Variants in INSC observed in about 807,000 individuals in gnomAD.
INSC encodes the protein protein inscuteable homolog.
In INSC, 67 loss-of-function variants were observed where a neutral mutation model predicts 58.6. The ratio of observed to expected loss-of-function variants is 1.14; its 90% CI spans 0.94 to 1.40. The LOEUF is 1.40. INSC is among the 40% of genes most tolerant of loss of function. The pLI, the probability that INSC is intolerant of heterozygous loss-of-function variation, is 0.00. For missense variants in INSC, 714 were observed against 692.0 expected (o/e 1.03, Z -0.36); for synonymous variants, 262 against 276.1 (o/e 0.95, Z 0.51).
intron 5 of INSC, among the ~76,000 whole-genome samples, chr11:15,181,327 T>G (rs1849770000): frequency 6.6e-6 from 1 of 152,238 alleles, no homozygotes; most frequent in Non-Finnish European, 1.5e-5. Flanking sequence ...TCTTCTGAGA[T>G]GCTGGTGTTT....
chr11:15,160,110 A>G (rs1238172337), intron 2 of INSC, among the ~76,000 whole-genome samples: 1 of 152,212 alleles, frequency 6.6e-6, no homozygotes, highest in Non-Finnish European at 1.5e-5. Context: ...CTAGGGGGTA[A>G]GGCAGACATT....
chr11:15,112,126 T>C (rs1226685129), upstream of INSC, among the ~76,000 whole-genome samples: 2 of 152,242 alleles, frequency 1.3e-5, no homozygotes, highest in Non-Finnish European at 2.9e-5. Flanking sequence ...TGTGTTTATA[T>C]AGCCAGACAG....
At chr11:15,167,067 T>C (rs1024536924) in intron 2 of INSC, among the ~76,000 whole-genome samples, 5 of 152,200 alleles carry the variant, frequency 3.3e-5, no homozygotes, top group African/African-American at 1.2e-4. Context: ...TTTATTTCAC[T>C]GTGACTTCAG....
intron 9 of INSC, among the ~76,000 whole-genome samples, chr11:15,229,959 T>TATA (rs1332890613): frequency 0.01 from 134 of 13,074 alleles, 2 homozygotes; most frequent in Middle Eastern, 0.071. Flanking sequence ...TATATATATA[T>TATA]TTATATATAT....
chr11:15,132,347 G>A (rs975479682), intron 1 of INSC, among the ~76,000 whole-genome samples: 3 of 152,124 alleles, frequency 2.0e-5, no homozygotes, highest in African/African-American at 7.2e-5. Flanking sequence ...GTACAGTGGG[G>A]CAATCACAGC....
At chr11:15,159,046 A>G (rs1041282353) in intron 2 of INSC, among the ~76,000 whole-genome samples, 1 of 152,092 alleles carries the variant, frequency 6.6e-6, no homozygotes, top group Non-Finnish European at 1.5e-5. Context: ...GTAGGACTTG[A>G]GACAGGCAAC....
At chr11:15,245,119 T>A (rs912171564) in intron 12 of INSC, among the ~76,000 whole-genome samples, 1 of 152,144 alleles carries the variant, frequency 6.6e-6, no homozygotes, top group East Asian at 1.9e-4. Context: ...GTGTGGGAGA[T>A]AAATACCTAA....
chr11:15,245,773 T>A, intron 12 of INSC, 139 bp from the exon 13 acceptor site: 5 of 1,069,326 alleles, frequency 4.7e-6, no homozygotes, highest in Admixed American at 2.3e-5. Flanking sequence ...AGATGCCAAG[T>A]GGCTAACATG....
At chr11:15,255,247 GA>G in the INSC span, among the ~76,000 whole-genome samples, 62 of 151,842 alleles carry the variant, frequency 4.1e-4, no homozygotes, top group African/African-American at 1.2e-3. Context: ...AACTCTATTT[GA>G]AAAAAAGTTT....
At chr11:15,112,647 T>TGG (rs71044036), upstream of INSC, 904 of 112,658 alleles carry the variant, frequency 8.0e-3, 67 homozygotes, top group African/African-American at 0.01. Flanking sequence ...TATTGGGAAG[T>TGG]GGGGGGGGGG....
chr11:15,244,430 A>G (rs1009701153), intron 12 of INSC, among the ~76,000 whole-genome samples: 5 of 152,134 alleles, frequency 3.3e-5, no homozygotes, highest in African/African-American at 1.2e-4. Context: ...TGTGACTCCC[A>G]GCAACCAGCT....
chr11:15,178,594 G>T (rs1371658415), intron 5 of INSC, 147 bp downstream of exon 5: 8 of 1,034,160 alleles, frequency 7.7e-6, no homozygotes, highest in Non-Finnish European at 1.1e-5. Flanking sequence ...GTCAACTCCA[G>T]CATTTGTGAA....
intron 5 of INSC, among the ~76,000 whole-genome samples, chr11:15,189,034 A>T (rs1453392403): frequency 6.6e-6 from 1 of 152,196 alleles, no homozygotes; most frequent in Non-Finnish European, 1.5e-5. Context: ...TTTATATTTA[A>T]TGTAGTTTGA....
At chr11:15,233,710 T>C (rs1378417471) in intron 9 of INSC, among the ~76,000 whole-genome samples, 1 of 151,852 alleles carries the variant, frequency 6.6e-6, no homozygotes, top group Non-Finnish European at 1.5e-5. Flanking sequence ...CCTTCCTTCC[T>C]TTACCTCCCT....
chr11:15,175,407 G>A lies in INSC; in HGVS notation c.57-334G>A, dbSNP rs188047542. On this transcript the variant is annotated intron_variant, in intron 2 of 12. Transcript: ENST00000379556. ...TTTTAAAGAGATGGGATCTTGCTAT[G>A]TTGCCCAGGCTGGTCTTGAACTCCT... Among the ~76,000 whole-genome samples, 24 of 152,168 alleles carry A rather than the reference G, an allele frequency of 1.6e-4. 2 individuals carry two copies. Among genetic ancestry groups the A allele is most frequent in the Middle Eastern group, 3.4e-3 (1 of 294 alleles).
At chr11:15,176,183 T>C in intron 3 of INSC, 97 bp downstream of exon 3, 1 of 1,026,316 alleles carries the variant, frequency 9.7e-7, no homozygotes, top group Non-Finnish European at 1.4e-6. Flanking sequence ...TCTTTTTTGC[T>C]CCAGAAGCCT....
chr11:15,136,522 T>C (rs1564863430), intron 1 of INSC, among the ~76,000 whole-genome samples: 1 of 152,198 alleles, frequency 6.6e-6, no homozygotes, highest in Non-Finnish European at 1.5e-5. Context: ...AAATTGGAGT[T>C]AATCCTCTCA....
the INSC span, among the ~76,000 whole-genome samples, chr11:15,257,567 G>A: frequency 6.6e-6 from 1 of 151,866 alleles, no homozygotes; most frequent in African/African-American, 2.4e-5. Flanking sequence ...CCCCGCCTCA[G>A]TACCTCATAA....
chr11:15,168,333 G>A (rs1285296473), intron 2 of INSC, among the ~76,000 whole-genome samples: 1 of 146,624 alleles, frequency 6.8e-6, no homozygotes, highest in African/African-American at 2.5e-5. Context: ...TGTTCTCATT[G>A]TTCAGCTCCC....
Sources: gnomAD v4.1 joint callset for allele counts (sites outside exome capture counted in the v4.1 genomes callset) on GRCh38, gnomAD v4.1.1 for gene constraint, MANE v1.5 for transcripts, NCBI Gene and HGNC (gene_info 2026-07-23, HGNC 2026-07-21) for gene names.